Variants in EVA1C observed in about 807,000 individuals in gnomAD.
EVA1C encodes the protein protein eva-1 homolog C.
Under a neutral mutation model 45.4 loss-of-function variants are expected in EVA1C, and 25 were observed. That is an observed-to-expected ratio of 0.55 (90% CI 0.40 to 0.77). The LOEUF is 0.77. Among genes scored for constraint, EVA1C ranks in the 30% least tolerant of loss-of-function variants. EVA1C has a pLI of 0.00. For missense variants in EVA1C, 479 were observed against 554.8 expected (o/e 0.86, Z 1.37); for synonymous variants, 190 against 221.2 (o/e 0.86, Z 1.25).
intron 7 of EVA1C, among the ~76,000 whole-genome samples, chr21:32,512,471 G>A (rs923935185): frequency 6.6e-6 from 1 of 152,142 alleles, no homozygotes. Flanking sequence ...TATAGCTCAA[G>A]TCGCTGCTGG....
At chr21:32,496,051 A>G (rs2037342205) in intron 5 of EVA1C, among the ~76,000 whole-genome samples, 1 of 152,214 alleles carries the variant, frequency 6.6e-6, no homozygotes. Context: ...TTTTTAGTAT[A>G]TGCACAGAAT....
At chr21:32,464,025 TTTG>T (rs1181185246) in intron 3 of EVA1C, among the ~76,000 whole-genome samples, 16 of 152,188 alleles carry the variant, frequency 1.1e-4, no homozygotes, top group South Asian at 2.1e-4. Context: ...CAGGCAAAAT[TTTG>T]TTGTTGGTGG....
At chr21:32,427,158 T>A (rs2034520820) in intron 1 of EVA1C, among the ~76,000 whole-genome samples, 2 of 152,190 alleles carry the variant, frequency 1.3e-5, no homozygotes, top group African/African-American at 4.8e-5. Context: ...CTGAAGCATC[T>A]TTTCCCTGGA....
intron 4 of EVA1C, among the ~76,000 whole-genome samples, chr21:32,468,898 T>TCGCC (rs1462526639): frequency 6.6e-6 from 1 of 152,180 alleles, no homozygotes; most frequent in East Asian, 1.9e-4. Flanking sequence ...ACAGTAGGGT[T>TCGCC]ATACACAGGG....
chr21:32,440,240 T>G (rs1284585712), intron 1 of EVA1C, among the ~76,000 whole-genome samples: 2 of 152,230 alleles, frequency 1.3e-5, no homozygotes, highest in Admixed American at 6.5e-5. Flanking sequence ...AAAGTTGCAT[T>G]AAGTTATCAA....
intron 4 of EVA1C, among the ~76,000 whole-genome samples, chr21:32,471,226 A>G (rs768903043): frequency 3.3e-5 from 5 of 151,996 alleles, no homozygotes; most frequent in Admixed American, 6.6e-5. Flanking sequence ...CCTTTATAAT[A>G]TTCAAGAATG....
chr21:32,498,412 T>C (rs1415194998), intron 5 of EVA1C, among the ~76,000 whole-genome samples: 2 of 150,144 alleles, frequency 1.3e-5, no homozygotes, highest in South Asian at 2.1e-4. Flanking sequence ...TCGTCACTGC[T>C]TGGGTGACAA....
chr21:32,467,890 G>T, intron 4 of EVA1C, 42 bp downstream of exon 4: 1 of 1,408,342 alleles, frequency 7.1e-7, no homozygotes, highest in Non-Finnish European at 9.4e-7. Flanking sequence ...TTCTCTAGAG[G>T]GACAGAATTA....
intron 4 of EVA1C, among the ~76,000 whole-genome samples, chr21:32,469,331 G>C (rs1449076226): frequency 6.6e-6 from 1 of 152,312 alleles, no homozygotes; most frequent in East Asian, 1.9e-4. Context: ...TGCAATTTTA[G>C]GGAGTGATGG....
chr21:32,454,143 C>T (rs1489233651), intron 2 of EVA1C, among the ~76,000 whole-genome samples: 1 of 152,154 alleles, frequency 6.6e-6, no homozygotes, highest in Non-Finnish European at 1.5e-5. Context: ...GCAGAAGAAT[C>T]GCTTGAACCC....
At chr21:32,495,334 T>A (rs1161641425) in intron 5 of EVA1C, among the ~76,000 whole-genome samples, 164 bp downstream of exon 5, 1 of 152,122 alleles carries the variant, frequency 6.6e-6, no homozygotes, top group African/African-American at 2.4e-5. Context: ...TCTTTCTTAT[T>A]CTTGTTTATG....
chr21:32,434,336 A>T (rs2034842039), intron 1 of EVA1C, among the ~76,000 whole-genome samples: 1 of 137,684 alleles, frequency 7.3e-6, no homozygotes, highest in East Asian at 2.2e-4. Context: ...TCATGCCTGT[A>T]ATCCCAGCAC....
intron 1 of EVA1C, among the ~76,000 whole-genome samples, chr21:32,431,767 T>C (rs2146161965): frequency 6.6e-6 from 1 of 152,344 alleles, no homozygotes; most frequent in Non-Finnish European, 1.5e-5. Context: ...GCTTTATTAT[T>C]TTCTAAGTGG....
chr21:32,511,861 C>T (rs924763549), intron 7 of EVA1C, among the ~76,000 whole-genome samples: 1 of 152,114 alleles, frequency 6.6e-6, no homozygotes, highest in Admixed American at 6.6e-5. Context: ...TGCTCACGAT[C>T]ATCCACAAAA....
intron 1 of EVA1C, among the ~76,000 whole-genome samples, chr21:32,442,982 AAGGG>A (rs1028519386): frequency 2.5e-5 from 3 of 119,264 alleles, no homozygotes; most frequent in Non-Finnish European, 3.4e-5. Flanking sequence ...GAAGGGAAGG[AAGGG>A]AGGGAGGGAG....
At chr21:32,458,883 G>A (rs1601321956) in intron 3 of EVA1C, among the ~76,000 whole-genome samples, 1 of 152,038 alleles carries the variant, frequency 6.6e-6, no homozygotes, top group Non-Finnish European at 1.5e-5. Context: ...CCGAGACCCT[G>A]GTGGCCTAGG....
At chr21:32,440,111 C>T (rs1190220167) in intron 1 of EVA1C, among the ~76,000 whole-genome samples, 2 of 152,012 alleles carry the variant, frequency 1.3e-5, no homozygotes, top group Non-Finnish European at 2.9e-5. Flanking sequence ...GATTGGTTAG[C>T]GACCCTGAGT....
intron 3 of EVA1C, among the ~76,000 whole-genome samples, chr21:32,461,230 G>A (rs1294461355): frequency 1.3e-5 from 2 of 152,256 alleles, no homozygotes; most frequent in Non-Finnish European, 2.9e-5. Context: ...CAAGACAGGA[G>A]AGAGCACCAG....
At chr21:32,417,240 C>T (rs2034083922) in intron 1 of EVA1C, among the ~76,000 whole-genome samples, 1 of 152,252 alleles carries the variant, frequency 6.6e-6, no homozygotes, top group Non-Finnish European at 1.5e-5. Flanking sequence ...GTACTACAGA[C>T]TGGGTGGCTT....
Sources: gnomAD v4.1 joint callset for allele counts (sites outside exome capture counted in the v4.1 genomes callset) on GRCh38, gnomAD v4.1.1 for gene constraint, MANE v1.5 for transcripts, NCBI Gene and HGNC (gene_info 2026-07-23, HGNC 2026-07-21) for gene names.